MTF2: variants seen among roughly 807,000 people sequenced by gnomAD.
MTF2 encodes the protein metal response element binding transcription factor 2, also known as metal-response element-binding transcription factor 2.
A neutral mutation model predicts 79.5 loss-of-function variants in MTF2; 11 were observed. That is an observed-to-expected ratio of 0.14 (90% CI 0.09 to 0.23). The LOEUF (loss-of-function observed/expected upper bound fraction) is 0.23. Ranked by LOEUF, MTF2 falls within the 10% of genes least tolerant of loss-of-function variation. MTF2 has a pLI of 1.00. For synonymous variants in MTF2, 208 were observed against 232.8 expected (o/e 0.89, Z 0.97); for missense variants, 486 against 711.2 (o/e 0.68, Z 3.60).
chr1:93,136,746 G>A lies in MTF2; in HGVS notation c.1501G>A (p.Gly501Ser). ...AAIPHLRRRR[G>S]RLPRRALQTQ... ...AATACCACATTTGCGGAGAAGAAGAGGTCGTCTTCCAAGAAGAGCACTCCA... is the reference window on the plus strand; with the variant it reads ...AATACCACATTTGCGGAGAAGAAGAAGTCGTCTTCCAAGAAGAGCACTCCA... The change falls in exon 15 of 15, where the codon GGT becomes AGT. Residue 501 changes from glycine to serine, a missense_variant. Around this residue, in one of 4 missense-constraint regions of MTF2, gnomAD observed 209 missense variants for 206.5 expected, o/e 1.01. Transcript: ENST00000370298. 6.2e-7 allele frequency: 1 copy of A among 1,614,142 alleles called. No homozygotes were observed. The highest frequency in any genetic ancestry group is 8.5e-7 in the Non-Finnish European group (1 of 1,180,018).
At chr1:93,080,401 G>A (rs1286918242) in intron 1 of MTF2, among the ~76,000 whole-genome samples, 1 of 152,164 alleles carries the variant, frequency 6.6e-6, no homozygotes, top group Non-Finnish European at 1.5e-5. Flanking sequence ...AGCAATTAGA[G>A]GGAACAGATG....
chr1:93,093,175 C>G (rs552179448), intron 1 of MTF2, among the ~76,000 whole-genome samples: 1 of 150,200 alleles, frequency 6.7e-6, no homozygotes, highest in East Asian at 1.9e-4. Context: ...GAGTGAGACT[C>G]TGTCTCAAAA....
At chr1:93,111,571 A>G (rs528748003) in intron 3 of MTF2, among the ~76,000 whole-genome samples, 4 of 152,272 alleles carry the variant, frequency 2.6e-5, no homozygotes, top group African/African-American at 9.6e-5. Flanking sequence ...GGAATGTTCT[A>G]ATTACCATCT....
chr1:93,105,253 C>A (rs1450563717), intron 1 of MTF2, among the ~76,000 whole-genome samples: 1 of 151,588 alleles, frequency 6.6e-6, no homozygotes, highest in Non-Finnish European at 1.5e-5. Flanking sequence ...GGAGTGGAGA[C>A]ATTAAGCGTG....
At chr1:93,087,112 G>A (rs940677536) in intron 1 of MTF2, among the ~76,000 whole-genome samples, 5 of 152,184 alleles carry the variant, frequency 3.3e-5, no homozygotes, top group Admixed American at 6.5e-5. Context: ...TTCATGTGTG[G>A]TTGATGCTTA....
At chr1:93,108,223 A>G (rs1384784531) in intron 1 of MTF2, among the ~76,000 whole-genome samples, 4 of 152,170 alleles carry the variant, frequency 2.6e-5, no homozygotes, top group Admixed American at 2.6e-4. Flanking sequence ...TTTGGAGGGA[A>G]TATGCATTTA....
At chr1:93,127,365 T>C in intron 10 of MTF2, 66 bp downstream of exon 10, 4 of 1,046,632 alleles carry the variant, frequency 3.8e-6, no homozygotes, top group Non-Finnish European at 5.9e-6. Flanking sequence ...AATAATGGCA[T>C]TGTTTAAGAA....
Position 93,115,728 on chromosome 1 carries a change from A to T in MTF2, c.632+110A>T, listed in dbSNP as rs1288050262. 17 of 805,714 alleles carry T rather than the reference A, an allele frequency of 2.1e-5. No homozygotes were observed. In the East Asian group the frequency reaches 5.4e-4, roughly 26 times the overall value. The allele number at this position is 805,714 out of a possible 1,614,324, so 49.9% of individuals were successfully genotyped here. On this transcript the variant is annotated intron_variant, in intron 6 of 14. Coordinates refer to ENST00000370298, the MANE Select transcript of MTF2 (RefSeq NM_007358.4). ...TGAATTGCAACTGCATGAACACATC[A>T]GTGAAGAAAACCAGGGGGAAAATCT...
At chr1:93,081,457 A>G (rs1310601867) in intron 1 of MTF2, among the ~76,000 whole-genome samples, 1 of 152,222 alleles carries the variant, frequency 6.6e-6, no homozygotes, top group Non-Finnish European at 1.5e-5. Context: ...AGTTGCCATG[A>G]CCAACATCTG....
intron 1 of MTF2, among the ~76,000 whole-genome samples, chr1:93,095,955 A>G (rs541323078): frequency 7.2e-5 from 11 of 151,790 alleles, no homozygotes; most frequent in Non-Finnish European, 1.0e-4. Context: ...CACCCGGTCT[A>G]TTTCTCCATT....
intron 1 of MTF2, among the ~76,000 whole-genome samples, chr1:93,109,236 T>C (rs1265883056): frequency 2.0e-5 from 3 of 152,318 alleles, no homozygotes; most frequent in African/African-American, 4.8e-5. Flanking sequence ...TGCTTTGCTG[T>C]TTATGGAATG....
At chr1:93,109,641 T>A (rs1655953363) in intron 1 of MTF2, among the ~76,000 whole-genome samples, 1 of 152,122 alleles carries the variant, frequency 6.6e-6, no homozygotes, top group African/African-American at 2.4e-5. Context: ...GGCCTTATAG[T>A]GTACTATTTG....
chr1:93,084,203 A>C (rs1160876393), intron 1 of MTF2, among the ~76,000 whole-genome samples: 2 of 152,094 alleles, frequency 1.3e-5, no homozygotes, highest in Non-Finnish European at 2.9e-5. Flanking sequence ...AGTGTTTTGC[A>C]TGTGGATACC....
At chr1:93,119,436 G>A in intron 8 of MTF2, 35 bp downstream of exon 8, 1 of 1,482,714 alleles carries the variant, frequency 6.7e-7, no homozygotes, top group Non-Finnish European at 9.1e-7. Context: ...AGAAAGAAAA[G>A]CCATTTTCTT....
At chr1:93,080,726 G>T (rs535663102) in intron 1 of MTF2, among the ~76,000 whole-genome samples, 1 of 148,744 alleles carries the variant, frequency 6.7e-6, no homozygotes, top group East Asian at 2.0e-4. Flanking sequence ...CTACAAGCTG[G>T]TTTCAATTTC....
rs761980174 is a variant in MTF2 at position 93,110,332 on chromosome 1, A to C, written c.108A>C (p.Gly36=). The change falls in exon 2 of 15, where the codon GGA becomes GGC. Residue 36 remains glycine, a synonymous_variant. Coordinates refer to ENST00000370298, the MANE Select transcript of MTF2 (RefSeq NM_007358.4). Reference sequence around the variant, plus strand: ...TGACCAAGCTGTCTTTACAGGATGGACATAAAGCCAAAAAGCCAGCATGTA... The same window carrying C: ...TGACCAAGCTGTCTTTACAGGATGGCCATAAAGCCAAAAAGCCAGCATGTA... ...TSLTKLSLQD[G]HKAKKPACKF... The C allele has an allele frequency of 1.2e-6, 2 of 1,614,180 alleles. No individual in the cohort carries two copies. The highest frequency in any genetic ancestry group is 1.7e-6 in the Non-Finnish European group (2 of 1,180,012).
In MTF2 at chr1:93,138,738, CAG is replaced by C. The variant is rs1030282730; in HGVS notation, c.*1714_*1715del. 3 of 152,190 alleles carry C rather than the reference CAG, an allele frequency of 2.0e-5. No homozygotes were observed. The highest frequency in any genetic ancestry group is 7.2e-5 in the African/African-American group (3 of 41,442). 9.4% of individuals were successfully genotyped at this position (152,190 alleles called of 1,614,324 possible). On this transcript the variant is annotated 3_prime_UTR_variant, in exon 15 of 15. Transcript: ENST00000370298. Reference sequence around the variant, plus strand: ...CAGCTGCAATATTTTGAATAACACACAGAGTTTGTGTTGATTTTTGAATGTTT... The same window carrying C: ...CAGCTGCAATATTTTGAATAACACACAGTTTGTGTTGATTTTTGAATGTTT...
chr1:93,090,932 G>C (rs1471331068), intron 1 of MTF2, among the ~76,000 whole-genome samples: 1 of 152,110 alleles, frequency 6.6e-6, no homozygotes, highest in East Asian at 1.9e-4. Context: ...CAGAGTGCTG[G>C]GATTACAGGC....
intron 1 of MTF2, among the ~76,000 whole-genome samples, chr1:93,090,764 T>C (rs1201072266): frequency 6.6e-6 from 1 of 150,942 alleles, no homozygotes; most frequent in Non-Finnish European, 1.5e-5. Context: ...CCCAGGTTCA[T>C]GCCGTTCTCC....
Sources: allele counts gnomAD v4.1 joint callset (sites outside exome capture counted in the v4.1 genomes callset), GRCh38; gene constraint gnomAD v4.1.1; regional missense constraint gnomAD v4.1.1; transcripts MANE v1.5; gene names NCBI Gene and HGNC (gene_info 2026-07-23, HGNC 2026-07-21).